The following RELN variants were observed in gnomAD, a reference collection of about 807,000 sequenced individuals.
RELN encodes the protein reelin.
RELN carries 108 observed loss-of-function variants against 427.6 expected under a neutral mutation model. The observed-to-expected ratio is 0.25, with a 90% CI of 0.22 to 0.30. The LOEUF is 0.30. RELN is among the 10% of genes least tolerant of loss of function. The probability of loss-of-function intolerance (pLI) is 1.00; values close to 1 mark genes in which losing one functional copy is unlikely to be tolerated. For synonymous variants in RELN, 1,524 were observed against 1,513.4 expected (o/e 1.01, Z -0.16); for missense variants, 3,715 against 4,302.8 (o/e 0.86, Z 3.82).
At position 103,482,943 on chromosome 7, in the gene RELN, G is replaced by A. The variant is rs772932844; in HGVS notation, c.10210C>T (p.Arg3404Cys). The part of the protein sequence containing the change: ...LEARMKGVLL[R>C]WWQPRHNGTG... ...CCATTGTGGCGTGGTTGCCACCAGC[G>A]CAGTAAGACTCCTTTCATCCGTGCC... The change falls in exon 63 of 65, where the codon CGC becomes TGC. Residue 3404 changes from arginine (R) to cysteine (C), a missense_variant. By Grantham distance (180) the Arg-to-Cys change is radical. Around this residue, in one of 4 missense-constraint regions of RELN, gnomAD observed 195 missense variants for 281.3 expected, o/e 0.69. Transcript: ENST00000428762. 4.3e-6 allele frequency: 7 copies of A among 1,613,980 alleles called. No homozygotes were observed. Among genetic ancestry groups the A allele is most frequent in the African/African-American group, 2.7e-5 (2 of 74,904 alleles).
intron 8 of RELN, among the ~76,000 whole-genome samples, chr7:103,714,049 A>G (rs1174051825): frequency 6.6e-6 from 1 of 152,054 alleles, no homozygotes; most frequent in Non-Finnish European, 1.5e-5. Flanking sequence ...CTAAAATATG[A>G]CTCCCAGTCT....
chr7:103,700,915 T>C lies in RELN; in HGVS notation c.897A>G (p.Lys299=), dbSNP rs1017745600. The change falls in exon 9 of 65, where the codon AAA becomes AAG. Residue 299 remains lysine (K), a synonymous_variant. Coordinates refer to ENST00000428762, the MANE Select transcript of RELN (RefSeq NM_005045.4). ...NNSADWIQLE[K]IRAPSNVSTI... is the part of the protein sequence containing the mutation. ...TACTTTAAATTACAACAAACCTAAT[T>C]TTCTCTAGCTGAATCCAGTCCGCAG... 1 of 1,589,732 alleles carries C rather than the reference T, an allele frequency of 6.3e-7. No individual in the cohort carries two copies.
At chr7:103,904,844 A>G (rs1395502836) in intron 2 of RELN, among the ~76,000 whole-genome samples, 1 of 152,104 alleles carries the variant, frequency 6.6e-6, no homozygotes, top group East Asian at 1.9e-4. Flanking sequence ...GAAACTGTAG[A>G]CTTATCATTT....
chr7:103,795,431 C>T (rs1004618072), intron 3 of RELN, among the ~76,000 whole-genome samples: 6 of 151,924 alleles, frequency 3.9e-5, no homozygotes, highest in East Asian at 1.9e-4. Flanking sequence ...TGTGGATAAT[C>T]GGGAGGGGAC....
chr7:103,780,962 C>T (rs766112143), intron 3 of RELN, among the ~76,000 whole-genome samples: 2 of 152,166 alleles, frequency 1.3e-5, no homozygotes, highest in African/African-American at 2.4e-5. Context: ...CTGGAACATA[C>T]GTGGATACCC....
At chr7:103,764,834 CAAAAAAA>C (rs545236187) in intron 4 of RELN, among the ~76,000 whole-genome samples, 1 of 52,582 alleles carries the variant, frequency 1.9e-5, no homozygotes, top group South Asian at 7.4e-4. Context: ...AGACTCCTCT[CAAAAAAA>C]AAAAAAAAAA....
intron 20 of RELN, among the ~76,000 whole-genome samples, chr7:103,615,318 A>G (rs992000204): frequency 2.6e-5 from 4 of 152,208 alleles, no homozygotes; most frequent in Non-Finnish European, 5.9e-5. Context: ...AGAGCTTAGT[A>G]GAATTTGAGT....
At position 103,835,524 on chromosome 7, in the gene RELN, G is replaced by A. The variant is rs112517827; in HGVS notation, c.338-1852C>T. Among the ~76,000 whole-genome samples the A allele has an allele frequency of 8.3e-3, 1,264 of 152,268 alleles. 15 individuals are homozygous for A. The highest frequency in any genetic ancestry group is 0.028 in the African/African-American group (1,176 of 41,550). On this transcript the variant is annotated intron_variant, in intron 2 of 64. Coordinates refer to ENST00000428762, the MANE Select transcript of RELN (RefSeq NM_005045.4). The stretch of plus-strand genomic sequence containing the variant: ...ATTCTGAGGCAGGATGTTGACGGTA[G>A]GGGAGGTTTTATTGTGTGTAGGGAT...
At position 103,626,528 on chromosome 7, in the gene RELN, T is replaced by G. The variant is rs1287174534; in HGVS notation, c.2702+3412A>C. Reference sequence around the variant, plus strand: ...ACCACGCTCGGCTAGTTTGTGTATTTTCAGTAGAGATGGCGTTTTACCATG... The same window carrying G: ...ACCACGCTCGGCTAGTTTGTGTATTGTCAGTAGAGATGGCGTTTTACCATG... On this transcript the variant is annotated intron_variant, in intron 20 of 64. Transcript: ENST00000428762. The surrounding 1 kb of genome is among the most constrained non-coding windows in gnomAD (Gnocchi z 4.4). Among the ~76,000 whole-genome samples the G allele has an allele frequency of 1.3e-5, 2 of 152,074 alleles. No individual in the cohort carries two copies. The highest frequency in any genetic ancestry group is 4.8e-5 in the African/African-American group (2 of 41,434).
intron 4 of RELN, among the ~76,000 whole-genome samples, chr7:103,772,100 C>T (rs1791583332): frequency 6.6e-6 from 1 of 152,204 alleles, no homozygotes; most frequent in Non-Finnish European, 1.5e-5. Flanking sequence ...TGGCTAGCCT[C>T]CTCTTTCTTA....
At chr7:103,590,012 A>G (rs932448224) in intron 27 of RELN, among the ~76,000 whole-genome samples, 184 bp from the exon 28 acceptor site, 10 of 109,286 alleles carry the variant, frequency 9.2e-5, no homozygotes, top group African/African-American at 4.2e-4. Flanking sequence ...GTTTAAGCAA[A>G]CAATAGGTAC....
chr7:103,480,470 G>C (rs1221056898), intron 63 of RELN, among the ~76,000 whole-genome samples: 1 of 152,132 alleles, frequency 6.6e-6, no homozygotes, highest in Non-Finnish European at 1.5e-5. Flanking sequence ...ACTCTTTGTG[G>C]CTCTTTTGAA....
chr7:103,646,641 C>T (rs555452551), intron 16 of RELN, among the ~76,000 whole-genome samples: 19 of 151,810 alleles, frequency 1.3e-4, no homozygotes, highest in Non-Finnish European at 2.1e-4. Context: ...AATCTCCCAA[C>T]AAATAAAAGC....
At chr7:103,497,605 CTTTATT>C (rs1828879842) in intron 55 of RELN, among the ~76,000 whole-genome samples, 1 of 152,144 alleles carries the variant, frequency 6.6e-6, no homozygotes, top group Admixed American at 6.6e-5. Context: ...AAAGTTTGGA[CTTTATT>C]TTTAATGTGA....
chr7:103,734,315 A>G (rs921293054), intron 6 of RELN, among the ~76,000 whole-genome samples: 3 of 152,214 alleles, frequency 2.0e-5, no homozygotes, highest in African/African-American at 7.2e-5. Context: ...AAGGATCAGA[A>G]ATGAATTGCT....
intron 4 of RELN, among the ~76,000 whole-genome samples, chr7:103,755,439 T>A (rs1286580027): frequency 6.6e-6 from 1 of 151,890 alleles, no homozygotes; most frequent in Non-Finnish European, 1.5e-5. Flanking sequence ...AAACCCCATC[T>A]CTACTAAAAA....
rs60846683 is a variant in RELN at position 103,491,823 on chromosome 7, GTCTCTCTCTC to G, written c.9443+120_9443+129del. On this transcript the variant is annotated intron_variant, in intron 58 of 64. Coordinates refer to ENST00000428762, the MANE Select transcript of RELN (RefSeq NM_005045.4). ...CAGCCTGGGCAACAAGAGCGAAACT[GTCTCTCTCTC>G]TCTCTCTCTCTCTCTCTCTCTCTCA... 4.6e-3 allele frequency: 1,955 copies of G among 428,182 alleles called. 11 individuals are homozygous for G. The highest frequency in any genetic ancestry group is 0.02 in the Admixed American group (677 of 33,954). The allele number at this position is 428,182 out of a possible 1,614,324, so 26.5% of individuals were successfully genotyped here.
chr7:103,710,171 G>A (rs1245147345), intron 8 of RELN, among the ~76,000 whole-genome samples: 1 of 152,138 alleles, frequency 6.6e-6, no homozygotes. Context: ...AAGGTCCTGG[G>A]AGAGGCTCTA....
At chr7:103,907,026 C>G (rs967879525) in intron 2 of RELN, among the ~76,000 whole-genome samples, 1 of 152,036 alleles carries the variant, frequency 6.6e-6, no homozygotes, top group Non-Finnish European at 1.5e-5. Flanking sequence ...CACTAAACAA[C>G]AAAAGACATA....
Sources: gnomAD v4.1 joint callset for allele counts (sites outside exome capture counted in the v4.1 genomes callset) on GRCh38, gnomAD v4.1.1 for gene constraint, gnomAD v4.1.1 regional missense constraint, Gnocchi (gnomAD v3.1) non-coding constraint, MANE v1.5 for transcripts, NCBI Gene and HGNC (gene_info 2026-07-23, HGNC 2026-07-21) for gene names.